Variants in CAVIN1 observed in about 807,000 individuals in gnomAD.
CAVIN1 encodes caveolae-associated protein 1.
A neutral mutation model predicts 24.0 loss-of-function variants in CAVIN1; 16 were observed. That is an observed-to-expected ratio of 0.67 (90% confidence interval 0.45 to 1.01). The LOEUF (loss-of-function observed/expected upper bound fraction) is 1.01, where lower values mean the gene tolerates loss of function less well. CAVIN1 is among the 50% of genes least tolerant of loss of function. The probability of loss-of-function intolerance (pLI) is 0.00; values close to 1 mark genes in which losing one functional copy is unlikely to be tolerated. For missense variants in CAVIN1, 510 were observed against 551.7 expected (o/e 0.92, Z 0.76); for synonymous variants, 256 against 256.4 (o/e 1.00, Z 0.02).
chr17:42,422,667 T>C lies in CAVIN1; in HGVS notation c.431A>G (p.Glu144Gly), dbSNP rs754680564. 6.2e-7 allele frequency: 1 copy of C among 1,602,038 alleles called. No individual in the cohort carries two copies. Among genetic ancestry groups the C allele is most frequent in the South Asian group, 1.1e-5 (1 of 89,298 alleles). Reference sequence around the variant, plus strand: ...TTTAAAGTTGCGGCGCCGCAGCAGCTCGGCCTCGTTGACCTCCAGCTTCTT... The same window carrying C: ...TTTAAAGTTGCGGCGCCGCAGCAGCCCGGCCTCGTTGACCTCCAGCTTCTT... ...QIKKLEVNEA[E>G]LLRRRNFKVM... The change falls in exon 1 of 2, where the codon GAG becomes GGG. Residue 144 changes from glutamate (E) to glycine (G), a missense_variant. By Grantham distance (98) the Glu-to-Gly change is moderately conservative (BLOSUM62 -2). Coordinates refer to ENST00000357037, the MANE Select transcript of CAVIN1 (RefSeq NM_012232.6).
At chr17:42,411,959 C>T in intron 1 of CAVIN1, 1 of 985,416 alleles carries the variant, frequency 1.0e-6, no homozygotes, top group Non-Finnish European at 1.2e-6. Flanking sequence ...GATGGTGGCC[C>T]TCCTGGCAGT....
chr17:42,418,500 G>T (rs902002360), intron 1 of CAVIN1, among the ~76,000 whole-genome samples: 3 of 151,964 alleles, frequency 2.0e-5, no homozygotes, highest in African/African-American at 4.8e-5. Context: ...CAAAGTGTTG[G>T]GATTACAGGT....
chr17:42,421,834 C>G (rs1240644191), intron 1 of CAVIN1, among the ~76,000 whole-genome samples: 1 of 152,118 alleles, frequency 6.6e-6, no homozygotes, highest in East Asian at 1.9e-4. Context: ...AGACTGCGCC[C>G]AGACCGCCGG....
rs150266722 is a variant in CAVIN1, at chr17:42,403,340, C to T, written c.*1347G>A. On this transcript the variant is annotated 3_prime_UTR_variant, in exon 2 of 2. Transcript: ENST00000357037. ...CTCAACTTGGTGGCAGGGCCGGCACCCTGCTCTCCCTCCTAACTCCCAGCC... is the reference window on the plus strand; with the variant it reads ...CTCAACTTGGTGGCAGGGCCGGCACTCTGCTCTCCCTCCTAACTCCCAGCC... The T allele has an allele frequency of 6.5e-6, 1 of 152,812 alleles. No individual in the cohort carries two copies. The highest frequency in any genetic ancestry group is 1.5e-5 in the Non-Finnish European group (1 of 68,146). The allele number at this position is 152,812 out of a possible 1,614,324, so 9.5% of individuals were successfully genotyped here. A position where few individuals can be genotyped will look rare whatever the true frequency, so the allele number is the denominator to read the frequency against.
intron 1 of CAVIN1, among the ~76,000 whole-genome samples, chr17:42,415,946 T>A (rs2085509191): frequency 6.6e-6 from 1 of 151,360 alleles, no homozygotes; most frequent in African/African-American, 2.4e-5. Flanking sequence ...CTTTACAATA[T>A]GAAAAATAAA....
intron 1 of CAVIN1, among the ~76,000 whole-genome samples, chr17:42,413,451 C>A (rs1289975307): frequency 6.6e-6 from 1 of 151,040 alleles, no homozygotes; most frequent in Non-Finnish European, 1.5e-5. Flanking sequence ...TTCAGCTACT[C>A]GGGAGGCTGA....
intron 1 of CAVIN1, among the ~76,000 whole-genome samples, chr17:42,412,456 C>T (rs2085485245): frequency 7.1e-6 from 1 of 140,096 alleles, no homozygotes; most frequent in African/African-American, 2.7e-5. Context: ...GTGCAGTGCA[C>T]AATCATAGCT....
intron 1 of CAVIN1, among the ~76,000 whole-genome samples, chr17:42,414,880 G>A (rs974449795): frequency 1.3e-5 from 2 of 151,838 alleles, no homozygotes; most frequent in African/African-American, 2.4e-5. Context: ...GGCACACCAC[G>A]GCTGACCAGG....
chr17:42,423,184 A>C lies in CAVIN1; in HGVS notation c.-87T>G. The C allele has an allele frequency of 9.0e-7, 1 of 1,114,216 alleles. No individual in the cohort carries two copies. Among genetic ancestry groups the C allele is most frequent in the Non-Finnish European group, 1.3e-6 (1 of 791,892 alleles). 69.0% of individuals were successfully genotyped at this position (1,114,216 alleles called of 1,614,324 possible). A position where few individuals can be genotyped will look rare whatever the true frequency, so the allele number is the denominator to read the frequency against. On this transcript the variant is annotated 5_prime_UTR_variant, in exon 1 of 2. Transcript: ENST00000357037. ...GAGAAGCAGGAGCGGAAGGGAGGAG[A>C]GCTAGCGGGCGAGAGCGGAGAGCAG...
intron 1 of CAVIN1, among the ~76,000 whole-genome samples, chr17:42,418,383 A>C (rs1287685579): frequency 6.6e-6 from 1 of 152,028 alleles, no homozygotes; most frequent in Non-Finnish European, 1.5e-5. Flanking sequence ...AGGTATGTGC[A>C]ACCACGCCTG....
In CAVIN1 at chr17:42,419,231, G is replaced by A. The variant is rs564687697; in HGVS notation, c.471+3396C>T. On this transcript the variant is annotated intron_variant, in intron 1 of 1. Transcript: ENST00000357037. ...ACCAAAAAACCCCAAAAAACAAATT[G>A]TTGCCTGGAAGAATTGGTTCTTTAA... is the stretch of plus-strand genomic sequence containing the variant. 1.2e-3 allele frequency among the ~76,000 whole-genome samples: 185 copies of A among 152,134 alleles called. 4 individuals carry two copies. In the Middle Eastern group the frequency reaches 0.024, roughly 20 times the overall value.
chr17:42,412,017 C>T (rs1313951606), intron 1 of CAVIN1: 7 of 985,306 alleles, frequency 7.1e-6, no homozygotes, highest in Non-Finnish European at 8.4e-6. Context: ...AGATACCCCA[C>T]GCCCACAGAA....
chr17:42,405,210 C>T lies in CAVIN1; in HGVS notation c.650G>A (p.Arg217His). The part of the protein sequence containing the change: ...VEVEEVIEES[R>H]AERIKRSGLR... ...GCCGCTGCGCTTGATACGCTCTGCG[C>T]GGGACTCCTCAATAACCTCCTCAAC... The change falls in exon 2 of 2, where the codon CGC (arginine) becomes CAC (histidine). Residue 217 changes from arginine (R) to histidine (H), a missense_variant. Transcript: ENST00000357037. The T allele has an allele frequency of 6.2e-7, 1 of 1,614,040 alleles. No individual in the cohort carries two copies. The highest frequency in any genetic ancestry group is 8.5e-7 in the Non-Finnish European group (1 of 1,179,988).
Position 42,422,910 on chromosome 17 carries a change from C to A in CAVIN1, c.188G>T (p.Gly63Val). 6.2e-7 allele frequency: 1 copy of A among 1,614,100 alleles called. No individual in the cohort carries two copies. Among genetic ancestry groups the A allele is most frequent in the East Asian group, 2.2e-5 (1 of 44,864 alleles). ...LVLSLLDKII[G>V]AVDQIQLTQA... ...AGTCAGCTGGATCTGGTCTACGGCC[C>A]CGATGATTTTGTCCAGGAGGCTCAG... Residue 63 changes from glycine to valine, a missense_variant, in exon 1 of 2, where the codon GGG (glycine) becomes GTG (valine). Physicochemically the swap from Gly to Val is moderately radical, Grantham distance 109 (BLOSUM62 -3). Coordinates refer to ENST00000357037, the MANE Select transcript of CAVIN1 (RefSeq NM_012232.6).
intron 1 of CAVIN1, among the ~76,000 whole-genome samples, chr17:42,422,320 T>A (rs919559358): frequency 6.6e-6 from 1 of 152,174 alleles, no homozygotes; most frequent in Non-Finnish European, 1.5e-5. Context: ...GGCAGCGTCC[T>A]CGAGTCCACC....
chr17:42,419,356 C>G (rs1156253825), intron 1 of CAVIN1, among the ~76,000 whole-genome samples: 1 of 151,944 alleles, frequency 6.6e-6, no homozygotes, highest in East Asian at 1.9e-4. Context: ...CTCTGTCGCC[C>G]AGGCTGGAGT....
At chr17:42,421,840 G>T (rs957251703) in intron 1 of CAVIN1, among the ~76,000 whole-genome samples, 2 of 152,020 alleles carry the variant, frequency 1.3e-5, no homozygotes, top group African/African-American at 4.8e-5. Context: ...CGCCCAGACC[G>T]CCGGACCCCG....
chr17:42,415,324 A>T (rs1404606070), intron 1 of CAVIN1, among the ~76,000 whole-genome samples: 1 of 152,230 alleles, frequency 6.6e-6, no homozygotes, highest in Non-Finnish European at 1.5e-5. Context: ...GAGTGACAAT[A>T]GGCTAGTGAC....
intron 1 of CAVIN1, among the ~76,000 whole-genome samples, chr17:42,422,246 A>G (rs769381576): frequency 9.2e-5 from 14 of 152,134 alleles, no homozygotes; most frequent in Non-Finnish European, 1.8e-4. Flanking sequence ...TGACTTTCCT[A>G]GAAACTTCCC....
Sources: gnomAD v4.1 joint callset for allele counts (sites outside exome capture counted in the v4.1 genomes callset) on GRCh38, gnomAD v4.1.1 for gene constraint, MANE v1.5 for transcripts, NCBI Gene and HGNC (gene_info 2026-07-23, HGNC 2026-07-21) for gene names.